Variants in CEP78 observed in about 807,000 individuals in gnomAD.
CEP78 encodes the protein centrosomal protein of 78 kDa.
CEP78 carries 76 observed loss-of-function variants against 81.2 expected under a neutral mutation model. The ratio of observed to expected loss-of-function variants is 0.94; its 90% CI spans 0.78 to 1.13. The LOEUF is 1.13. Ranked by LOEUF, CEP78 falls within the 50% of genes most tolerant of loss-of-function variation. CEP78 has a pLI of 0.00. For missense variants in CEP78, 918 were observed against 846.8 expected (o/e 1.08, Z -1.04); for synonymous variants, 293 against 301.4 (o/e 0.97, Z 0.29).
chr9:78,237,896 G>C (rs924011492), intron 1 of CEP78, among the ~76,000 whole-genome samples: 2 of 148,754 alleles, frequency 1.3e-5, no homozygotes, highest in African/African-American at 5.0e-5. Context: ...GATCACCTGA[G>C]GTCAGGAGTT....
Position 78,275,796 on chromosome 9 carries a change from A to G in CEP78, c.*4945A>G, listed in dbSNP as rs1187826819. The stretch of plus-strand genomic sequence containing the variant: ...ACAAAACAAAACAAAAAAACCCAAA[A>G]CTTAGCCAGGCATGGTGGTGCGTGC... On this transcript the variant is annotated 3_prime_UTR_variant, in exon 17 of 17. Coordinates refer to ENST00000643273, the MANE Select transcript of CEP78 (RefSeq NM_001330691.3). 1 of 151,994 alleles carries G rather than the reference A, an allele frequency of 6.6e-6. No homozygotes were observed. Among genetic ancestry groups the G allele is most frequent in the African/African-American group, 2.4e-5 (1 of 41,222 alleles). The allele number at this position is 151,994 out of a possible 1,614,324, so 9.4% of individuals were successfully genotyped here. A position where few individuals can be genotyped will look rare whatever the true frequency, so the allele number is the denominator to read the frequency against.
chr9:78,253,291 A>G lies in CEP78; in HGVS notation c.1251+14A>G, dbSNP rs758422951. ...AATCAGTTGCAGGTACGTAGTTACC[A>G]TGTTTATAATATGTAGGGGATTGGA... On this transcript the variant is annotated intron_variant, in intron 10 of 16. Transcript: ENST00000643273. 2.5e-6 allele frequency: 3 copies of G among 1,189,104 alleles called. No individual in the cohort carries two copies. The highest frequency in any genetic ancestry group is 2.6e-5 in the South Asian group (2 of 77,800). 73.7% of individuals were successfully genotyped at this position (1,189,104 alleles called of 1,614,324 possible).
chr9:78,245,809 T>A (rs1826451086), intron 5 of CEP78, among the ~76,000 whole-genome samples: 1 of 152,240 alleles, frequency 6.6e-6, no homozygotes, highest in Non-Finnish European at 1.5e-5. Context: ...CTATAATCTC[T>A]ATTCACACAT....
intron 11 of CEP78, among the ~76,000 whole-genome samples, chr9:78,257,501 G>T (rs1206750649): frequency 2.0e-5 from 3 of 152,172 alleles, no homozygotes; most frequent in African/African-American, 7.2e-5. Flanking sequence ...GTGGAGAGCA[G>T]CGGGTCTGGA....
intron 5 of CEP78, among the ~76,000 whole-genome samples, chr9:78,243,953 C>G (rs1485206377): frequency 7.9e-5 from 12 of 151,812 alleles, no homozygotes; most frequent in Admixed American, 7.2e-4. Context: ...CTATAGTGCA[C>G]TTACCATTTT....
chr9:78,250,760 A>G (rs953833428), intron 8 of CEP78, among the ~76,000 whole-genome samples: 1 of 152,202 alleles, frequency 6.6e-6, no homozygotes, highest in African/African-American at 2.4e-5. Flanking sequence ...AAAAATTTAT[A>G]TTTGCATTAC....
At chr9:78,262,219 T>A (rs1240608792) in intron 11 of CEP78, among the ~76,000 whole-genome samples, 3 of 151,654 alleles carry the variant, frequency 2.0e-5, no homozygotes, top group Admixed American at 6.6e-5. Flanking sequence ...TTTTTTTTTT[T>A]ACCAATCACA....
rs1377133039 is a variant in CEP78 at position 78,276,016 on chromosome 9, A to G, written c.*5165A>G. On this transcript the variant is annotated 3_prime_UTR_variant, in exon 17 of 17. Transcript: ENST00000643273. ...AACCATTCCAGAGGATAGAAAAGAG[A>G]TGTAAGGCTCCCTAATTCATTCCAT... The G allele has an allele frequency of 6.6e-6, 1 of 152,208 alleles. No homozygotes were observed. Among genetic ancestry groups the G allele is most frequent in the African/African-American group, 2.4e-5 (1 of 41,446 alleles). 9.4% of individuals were successfully genotyped at this position (152,208 alleles called of 1,614,324 possible). A position where few individuals can be genotyped will look rare whatever the true frequency, so the allele number is the denominator to read the frequency against.
At chr9:78,267,322 A>G (rs1466720382) in intron 16 of CEP78, among the ~76,000 whole-genome samples, 1 of 152,230 alleles carries the variant, frequency 6.6e-6, no homozygotes, top group Non-Finnish European at 1.5e-5. Context: ...ACAACAAAGC[A>G]GAGTACGATG....
rs1587620821 is a variant in CEP78, at chr9:78,276,560, T to A, written c.*5709T>A. ...TGATCTACTGGCATGCTATTACAGC[T>A]AATAAAGCTGAATAAGGAGGCTGTG... is the stretch of plus-strand genomic sequence containing the variant. On this transcript the variant is annotated 3_prime_UTR_variant, in exon 17 of 17. Coordinates refer to ENST00000643273, the MANE Select transcript of CEP78 (RefSeq NM_001330691.3). 6.6e-6 allele frequency: 1 copy of A among 151,888 alleles called. No homozygotes were observed. Among genetic ancestry groups the A allele is most frequent in the East Asian group, 1.9e-4 (1 of 5,176 alleles). The allele number at this position is 151,888 out of a possible 1,614,324, so 9.4% of individuals were successfully genotyped here. A position where few individuals can be genotyped will look rare whatever the true frequency, so the allele number is the denominator to read the frequency against.
chr9:78,238,829 G>T (rs1826083345), intron 1 of CEP78, among the ~76,000 whole-genome samples: 1 of 152,026 alleles, frequency 6.6e-6, no homozygotes, highest in African/African-American at 2.4e-5. Flanking sequence ...CCAGGAGTTT[G>T]TGACTGGCCT....
chr9:78,261,873 G>A (rs1340705922), intron 11 of CEP78, among the ~76,000 whole-genome samples: 1 of 152,078 alleles, frequency 6.6e-6, no homozygotes, highest in Non-Finnish European at 1.5e-5. Context: ...AGAATTTGTA[G>A]TTATTAGGGC....
At chr9:78,260,052 T>TG in intron 11 of CEP78, among the ~76,000 whole-genome samples, 1 of 152,322 alleles carries the variant, frequency 6.6e-6, no homozygotes, top group South Asian at 2.1e-4. Flanking sequence ...AAAATATACT[T>TG]CCTTCTCTTG....
intron 5 of CEP78, 58 bp from the exon 6 acceptor site, chr9:78,246,611 C>T (rs1288455268): frequency 8.5e-7 from 1 of 1,181,100 alleles, no homozygotes; most frequent in South Asian, 1.4e-5. Flanking sequence ...AAAAAACAAA[C>T]AAACAAACAA....
intron 11 of CEP78, among the ~76,000 whole-genome samples, chr9:78,255,427 A>G (rs1458102433): frequency 1.3e-5 from 2 of 152,124 alleles, no homozygotes; most frequent in Non-Finnish European, 2.9e-5. Flanking sequence ...ATATACTTAC[A>G]TGTAGCTTAT....
In CEP78 at chr9:78,248,847, A is replaced by G. The variant is rs371728174; in HGVS notation, c.1043A>G (p.His348Arg). 9.4e-6 allele frequency: 15 copies of G among 1,590,756 alleles called. No individual in the cohort carries two copies. In the African/African-American group the frequency reaches 1.6e-4, roughly 17 times the overall value. Residue 348 changes from histidine to arginine, a missense_variant, in exon 8 of 17, where the codon CAC becomes CGC. Coordinates refer to ENST00000643273, the MANE Select transcript of CEP78 (RefSeq NM_001330691.3). ...KRRTIILGSG[H>R]KGKATIRIGL... is the part of the protein sequence containing the mutation. ...AGAACTATAATTCTAGGAAGTGGTC[A>G]CAAAGGAAAAGCTACTATTAGAATT...
chr9:78,249,081 C>T (rs1826636810), intron 8 of CEP78: 1 of 239,604 alleles, frequency 4.2e-6, no homozygotes. Context: ...CTAGTGCTTC[C>T]ATTTAAAAAA....
intron 12 of CEP78, among the ~76,000 whole-genome samples, chr9:78,263,661 A>G (rs1195271259): frequency 6.6e-6 from 1 of 152,146 alleles, no homozygotes; most frequent in Non-Finnish European, 1.5e-5. Context: ...TATTAGATAA[A>G]TAGATTTGGT....
In CEP78 at chr9:78,243,756, T is replaced by G. The variant is rs932451162; in HGVS notation, c.778+120T>G. 5 of 668,480 alleles carry G rather than the reference T, an allele frequency of 7.5e-6. No individual in the cohort carries two copies. The African/African-American group carries it at 9.3e-5, about 12-fold the overall frequency. The allele number at this position is 668,480 out of a possible 1,614,324, so 41.4% of individuals were successfully genotyped here. A position where few individuals can be genotyped will look rare whatever the true frequency, so the allele number is the denominator to read the frequency against. On this transcript the variant is annotated intron_variant, in intron 5 of 16. Transcript: ENST00000643273. ...TAAAAAGCCTCTTTTTTCTAATAGGTTTTATTTTGTTTTTAAGCCTTTATA... is the reference window on the plus strand; with the variant it reads ...TAAAAAGCCTCTTTTTTCTAATAGGGTTTATTTTGTTTTTAAGCCTTTATA...
Sources: allele counts gnomAD v4.1 joint callset (sites outside exome capture counted in the v4.1 genomes callset), GRCh38; gene constraint gnomAD v4.1.1; transcripts MANE v1.5; gene names NCBI Gene and HGNC (gene_info 2026-07-23, HGNC 2026-07-21).